Variants in GRID2 observed in about 807,000 individuals in gnomAD.
The protein encoded by GRID2 is glutamate ionotropic receptor delta type subunit 2, also known as glutamate receptor ionotropic, delta-2.
A neutral mutation model predicts 114.8 loss-of-function variants in GRID2; 33 were observed. The ratio of observed to expected loss-of-function variants is 0.29; its 90% confidence interval spans 0.22 to 0.38. The LOEUF is 0.38. Ranked by LOEUF, GRID2 falls within the 10% of genes least tolerant of loss-of-function variation. The probability of loss-of-function intolerance (pLI) is 1.00; values close to 1 mark genes in which losing one functional copy is unlikely to be tolerated. For synonymous variants in GRID2, 505 were observed against 449.9 expected (o/e 1.12, Z -1.55); for missense variants, 1,184 against 1,257.7 (o/e 0.94, Z 0.89).
rs372269236 is a variant in GRID2, at chr4:92,347,956, A to G, written c.88+43212A>G. ...TTTATAAAATAAGTAATAGTAGCAG[A>G]CTTTAACTGTTTTGTTGAGACCGAT... On this transcript the variant is annotated intron_variant, in intron 1 of 15. Coordinates refer to ENST00000282020, the MANE Select transcript of GRID2 (RefSeq NM_001510.4). Among the ~76,000 whole-genome samples the G allele has an allele frequency of 1.1e-4, 16 of 152,314 alleles. 1 individual carries two copies. The South Asian group carries it at 1.2e-3, about 12-fold the overall frequency.
intron 2 of GRID2, among the ~76,000 whole-genome samples, chr4:92,847,443 CTCTA>C (rs1277353859): frequency 6.6e-6 from 1 of 152,064 alleles, no homozygotes; most frequent in African/African-American, 2.4e-5. Context: ...TCGCTGGCCT[CTCTA>C]TCACTGTCTT....
intron 1 of GRID2, among the ~76,000 whole-genome samples, chr4:92,482,035 A>ATATATATATAT (rs1560660653): frequency 1.7e-5 from 1 of 57,190 alleles, no homozygotes; most frequent in African/African-American, 6.5e-5. Context: ...TATATATATA[A>ATATATATATAT]AATAACAATA....
intron 14 of GRID2, among the ~76,000 whole-genome samples, chr4:93,629,045 G>T (rs1743002780): frequency 6.6e-6 from 1 of 152,110 alleles, no homozygotes; most frequent in Admixed American, 6.6e-5. Context: ...GGGATTACAG[G>T]CATGAGCCAC....
chr4:92,333,030 C>A (rs1305206319), intron 1 of GRID2, among the ~76,000 whole-genome samples: 1 of 152,190 alleles, frequency 6.6e-6, no homozygotes, highest in Non-Finnish European at 1.5e-5. Context: ...GAAGGCAGCC[C>A]TGCCTCCCAT....
At chr4:93,221,577 A>G (rs770539495) in intron 6 of GRID2, among the ~76,000 whole-genome samples, 2 of 152,132 alleles carry the variant, frequency 1.3e-5, no homozygotes, top group Admixed American at 6.6e-5. Flanking sequence ...AATTGAAGTG[A>G]CCTTTTAAAA....
Position 93,515,319 on chromosome 4 carries a change from A to G in GRID2, c.2101A>G (p.Arg701Gly). The change falls in exon 13 of 16, where the codon AGG becomes GGG. Residue 701 changes from arginine to glycine, a missense_variant. By Grantham distance (125) the Arg-to-Gly change is moderately radical (BLOSUM62 -2). Coordinates refer to ENST00000282020, the MANE Select transcript of GRID2 (RefSeq NM_001510.4). ...VRMKGLNPFE[R>G]DSMYSQMWRM... ...CATGAAAGGACTGAATCCTTTTGAG[A>G]GGGACAGCATGTATTCCCAAATGTG... 1.2e-6 allele frequency: 2 copies of G among 1,611,332 alleles called. No homozygotes were observed. The highest frequency in any genetic ancestry group is 1.1e-5 in the South Asian group (1 of 91,032).
At chr4:92,925,614 G>C (rs1749752033) in intron 2 of GRID2, among the ~76,000 whole-genome samples, 1 of 151,698 alleles carries the variant, frequency 6.6e-6, no homozygotes, top group Non-Finnish European at 1.5e-5. Context: ...CATTTATATT[G>C]GTAAACTCTT....
At chr4:93,727,308 A>C (rs1232477166) in intron 14 of GRID2, among the ~76,000 whole-genome samples, 1 of 152,116 alleles carries the variant, frequency 6.6e-6, no homozygotes, top group Non-Finnish European at 1.5e-5. Flanking sequence ...GCGTATGTTG[A>C]ACCAGCCTTG....
chr4:92,822,993 C>G (rs1741397952), intron 2 of GRID2: 1 of 152,138 alleles, frequency 6.6e-6, no homozygotes, highest in Non-Finnish European at 1.5e-5. Flanking sequence ...AACACCACAG[C>G]CAGTCCTGCC....
intron 1 of GRID2, among the ~76,000 whole-genome samples, chr4:92,451,658 A>T (rs1183091440): frequency 6.6e-6 from 1 of 152,214 alleles, no homozygotes; most frequent in Non-Finnish European, 1.5e-5. Context: ...TTCACCAATG[A>T]TATGCATGAG....
chr4:93,592,628 C>G (rs532950903), intron 13 of GRID2, among the ~76,000 whole-genome samples: 3 of 152,160 alleles, frequency 2.0e-5, no homozygotes, highest in South Asian at 2.1e-4. Context: ...CTTTCTGTCT[C>G]GTTGATCTGT....
chr4:92,757,384 T>C (rs575035197), intron 2 of GRID2, among the ~76,000 whole-genome samples: 1 of 152,172 alleles, frequency 6.6e-6, no homozygotes, highest in South Asian at 2.1e-4. Flanking sequence ...TCTTTGGAAA[T>C]AGACACCTTG....
At chr4:92,690,132 G>A (rs1167265564) in intron 2 of GRID2, among the ~76,000 whole-genome samples, 1 of 151,400 alleles carries the variant, frequency 6.6e-6, no homozygotes, top group Non-Finnish European at 1.5e-5. Flanking sequence ...GCCTAGTTTT[G>A]GCCTCTCTCT....
At chr4:93,581,004 G>C (rs1163624627) in intron 13 of GRID2, among the ~76,000 whole-genome samples, 1 of 151,850 alleles carries the variant, frequency 6.6e-6, no homozygotes, top group Admixed American at 6.6e-5. Flanking sequence ...ATGCGGGTTT[G>C]TTATATAGGT....
intron 4 of GRID2, 80 bp from the exon 5 acceptor site, chr4:93,207,324 A>T: frequency 1.0e-6 from 1 of 956,608 alleles, no homozygotes; most frequent in Non-Finnish European, 1.7e-6. Context: ...ATTTTTTGTC[A>T]TTTGCAAAGT....
chr4:93,264,709 G>GATATAT (rs70942961), intron 8 of GRID2, among the ~76,000 whole-genome samples: 5,937 of 132,768 alleles, frequency 0.045, 334 homozygotes, highest in African/African-American at 0.12. Context: ...AGTTTTGAAT[G>GATATAT]ATATATATAT....
At chr4:92,955,597 C>T (rs892498587) in intron 2 of GRID2, among the ~76,000 whole-genome samples, 1 of 152,050 alleles carries the variant, frequency 6.6e-6, no homozygotes, top group African/African-American at 2.4e-5. Flanking sequence ...GTTTCTTTTG[C>T]TGTGCAGAAG....
chr4:92,690,368 C>A (rs553284399), intron 2 of GRID2, among the ~76,000 whole-genome samples: 38 of 152,238 alleles, frequency 2.5e-4, no homozygotes, highest in African/African-American at 8.2e-4. Context: ...TGTCAGGACA[C>A]AAACAACATT....
chr4:92,560,383 T>C (rs1171721177), intron 1 of GRID2, among the ~76,000 whole-genome samples: 1 of 152,182 alleles, frequency 6.6e-6, no homozygotes, highest in Non-Finnish European at 1.5e-5. Context: ...TCTGTTCCTC[T>C]CTCTTTTGAA....
Sources: gnomAD v4.1 joint callset for allele counts (sites outside exome capture counted in the v4.1 genomes callset) on GRCh38, gnomAD v4.1.1 for gene constraint, MANE v1.5 for transcripts, NCBI Gene and HGNC (gene_info 2026-07-23, HGNC 2026-07-21) for gene names.